EYA1: variants seen among roughly 807,000 people sequenced by gnomAD.
EYA1 encodes protein phosphatase EYA1.
EYA1 carries 16 observed loss-of-function variants against 82.0 expected under a neutral mutation model. The observed-to-expected ratio is 0.20, with a 90% CI of 0.13 to 0.30. The LOEUF (loss-of-function observed/expected upper bound fraction) is 0.30, where lower values mean the gene tolerates loss of function less well. Ranked by LOEUF, EYA1 falls within the 10% of genes least tolerant of loss-of-function variation. EYA1 has a pLI of 1.00. For missense variants in EYA1, 633 were observed against 730.7 expected (o/e 0.87, Z 1.54); for synonymous variants, 261 against 264.4 (o/e 0.99, Z 0.12).
intron 2 of EYA1, among the ~76,000 whole-genome samples, chr8:71,408,731 G>C (rs1037753887): frequency 4.8e-4 from 63 of 132,356 alleles, no homozygotes; most frequent in African/African-American, 1.8e-3. Flanking sequence ...AGCAAGTCCT[G>C]AGTGACCTAC....
intron 5 of EYA1, 144 bp from the exon 6 acceptor site, chr8:71,322,023 A>G (rs943768999): frequency 2.5e-6 from 3 of 1,182,262 alleles, no homozygotes; most frequent in Middle Eastern, 1.9e-4. Flanking sequence ...GCACTGAAAT[A>G]CTTCAGTGTC....
Position 71,354,896 on chromosome 8 carries a change from G to C in EYA1, c.10C>G (p.Gln4Glu). 2 of 1,613,276 alleles carry C rather than the reference G, an allele frequency of 1.2e-6. No individual in the cohort carries two copies. The highest frequency in any genetic ancestry group is 1.7e-6 in the Non-Finnish European group (2 of 1,179,424). Residue 4 changes from glutamine to glutamate, a missense_variant, in exon 3 of 18, where the codon CAG (glutamine) becomes GAG (glutamate). Transcript: ENST00000340726. The stretch of plus-strand genomic sequence containing the variant: ...CGGCTATGCGGGCTGGTTAGATCCT[G>C]CATTTCCATAGACCTAAAGACAAGA... MEM[Q>E]DLTSPHSRLS...
rs189498677 is a variant in EYA1, at chr8:71,442,038, G to A, written c.34-85527C>T. 3.4e-3 allele frequency among the ~76,000 whole-genome samples: 523 copies of A among 152,226 alleles called. 1 individual carries two copies. Among genetic ancestry groups the A allele is most frequent in the Non-Finnish European group, 5.4e-3 (369 of 68,010 alleles). On this transcript the variant is annotated intron_variant, in intron 2 of 18. Transcript: ENST00000643681. ...CTTGATCTTGAACTTGCCAGCTTCC[G>A]GAACTGTCAGAAATAAATTTCTGCT... is the stretch of plus-strand genomic sequence containing the variant.
intron 2 of EYA1, among the ~76,000 whole-genome samples, chr8:71,415,341 T>G (rs1016443345): frequency 6.6e-6 from 1 of 152,256 alleles, no homozygotes; most frequent in Non-Finnish European, 1.5e-5. Context: ...ACTATAATTC[T>G]AAGTGCTTTA....
chr8:71,222,951 T>C (rs1009940783), intron 12 of EYA1, among the ~76,000 whole-genome samples: 5 of 152,294 alleles, frequency 3.3e-5, no homozygotes, highest in Middle Eastern at 3.4e-3. Flanking sequence ...TCCGTGGTCA[T>C]GGACCCCTCT....
At chr8:71,492,058 G>A (rs894169988) in intron 2 of EYA1, among the ~76,000 whole-genome samples, 3 of 152,244 alleles carry the variant, frequency 2.0e-5, no homozygotes, top group South Asian at 2.1e-4. Context: ...CCTACCGGAC[G>A]TTGGCAAATG....
intron 9 of EYA1, among the ~76,000 whole-genome samples, chr8:71,278,203 C>G (rs923471431): frequency 3.3e-5 from 5 of 151,888 alleles, no homozygotes; most frequent in African/African-American, 1.2e-4. Flanking sequence ...ATGATTAGTT[C>G]TTTGTCTCTC....
At chr8:71,274,967 C>T (rs1335237929) in intron 9 of EYA1, among the ~76,000 whole-genome samples, 4 of 152,210 alleles carry the variant, frequency 2.6e-5, no homozygotes, top group East Asian at 1.9e-4. Context: ...CAAGCGCAAG[C>T]GCGTGCGAGA....
intron 2 of EYA1, among the ~76,000 whole-genome samples, chr8:71,528,014 A>T (rs1013690697): frequency 3.4e-4 from 52 of 152,128 alleles, no homozygotes; most frequent in Non-Finnish European, 1.6e-4. Context: ...ACATAAAAAA[A>T]CAAAGTCCTA....
At chr8:71,411,563 G>C (rs1019220058) in intron 2 of EYA1, among the ~76,000 whole-genome samples, 19 of 150,392 alleles carry the variant, frequency 1.3e-4, no homozygotes, top group African/African-American at 3.5e-4. Context: ...ATCAAAAAGT[G>C]GGCGAAGGAC....
chr8:71,226,475 C>G (rs1294668695), intron 12 of EYA1, among the ~76,000 whole-genome samples: 19 of 151,636 alleles, frequency 1.3e-4, no homozygotes. Context: ...TTCTTTACCA[C>G]ATGATATTAA....
chr8:71,431,755 A>T (rs1422291964), intron 2 of EYA1, among the ~76,000 whole-genome samples: 2 of 152,176 alleles, frequency 1.3e-5, no homozygotes, highest in African/African-American at 4.8e-5. Context: ...CATCCTCTTT[A>T]CACAATCCCC....
intron 6 of EYA1, among the ~76,000 whole-genome samples, chr8:71,321,301 C>T (rs1399223256): frequency 2.6e-5 from 4 of 152,164 alleles, no homozygotes; most frequent in African/African-American, 7.2e-5. Context: ...TTACCACCCT[C>T]GAGTTTAAAG....
At chr8:71,462,032 C>T (rs938855346) in intron 2 of EYA1, among the ~76,000 whole-genome samples, 3 of 152,046 alleles carry the variant, frequency 2.0e-5, no homozygotes, top group Non-Finnish European at 2.9e-5. Flanking sequence ...TGGCTGGGCC[C>T]AGAAAAGGCA....
At chr8:71,357,240 T>A (rs1826980203) in intron 1 of EYA1, among the ~76,000 whole-genome samples, 1 of 152,248 alleles carries the variant, frequency 6.6e-6, no homozygotes, top group Non-Finnish European at 1.5e-5. Context: ...TTTGGTGGAT[T>A]TTCCATCTTT....
chr8:71,484,955 G>A (rs966106775), intron 2 of EYA1, among the ~76,000 whole-genome samples: 1 of 152,222 alleles, frequency 6.6e-6, no homozygotes, highest in Non-Finnish European at 1.5e-5. Context: ...TAAGCCATAA[G>A]CAAAGCTCTG....
intron 2 of EYA1, among the ~76,000 whole-genome samples, chr8:71,485,940 T>A (rs537756305): frequency 6.6e-6 from 1 of 152,302 alleles, no homozygotes; most frequent in South Asian, 2.1e-4. Context: ...AGTTGATAGC[T>A]TTTGCCAAAT....
At chr8:71,214,787 G>T (rs1808970369) in intron 16 of EYA1, among the ~76,000 whole-genome samples, 1 of 152,154 alleles carries the variant, frequency 6.6e-6, no homozygotes, top group East Asian at 1.9e-4. Flanking sequence ...ATATTGGATT[G>T]TCATGTAACT....
rs1297350223 is a variant in EYA1, at chr8:71,346,442, ATATATATATATATC to A, written c.124+8326_124+8339del. Reference sequence around the variant, plus strand: ...TTTTTACTGCAGTGAATATATATATATATATATATATATCTATATATATCCTTCTCCCTGCAGTT... The same window carrying A: ...TTTTTACTGCAGTGAATATATATATATATATATATCCTTCTCCCTGCAGTT... On this transcript the variant is annotated intron_variant, in intron 3 of 17. Transcript: ENST00000340726. Among the ~76,000 whole-genome samples, 168 of 134,434 alleles carry A rather than the reference ATATATATATATATC, an allele frequency of 1.2e-3. 1 individual carries two copies. The highest frequency in any genetic ancestry group is 5.0e-3 in the African/African-American group (156 of 31,472). 88.2% of individuals were successfully genotyped at this position (134,434 alleles called of 152,430 possible). A position where few individuals can be genotyped will look rare whatever the true frequency, so the allele number is the denominator to read the frequency against.
Sources: gnomAD v4.1 joint callset for allele counts (sites outside exome capture counted in the v4.1 genomes callset) on GRCh38, gnomAD v4.1.1 for gene constraint, MANE v1.5 for transcripts, NCBI Gene and HGNC (gene_info 2026-07-23, HGNC 2026-07-21) for gene names.